Variants in NAV2 observed in about 807,000 individuals in gnomAD.
NAV2 encodes helicase, APC down-regulated 1.
In NAV2, 54 loss-of-function variants were observed where a neutral mutation model predicts 223.2. That is an observed-to-expected ratio of 0.24 (90% confidence interval 0.19 to 0.30). The LOEUF (loss-of-function observed/expected upper bound fraction) is 0.30. NAV2 is among the 10% of genes least tolerant of loss of function. The pLI is 1.00. For missense variants in NAV2, 2,806 were observed against 3,147.5 expected (o/e 0.89, Z 2.60); for synonymous variants, 1,279 against 1,239.3 (o/e 1.03, Z -0.67).
chr11:19,397,800 T>G (rs1238620500), intron 1 of NAV2, among the ~76,000 whole-genome samples: 2 of 152,020 alleles, frequency 1.3e-5, no homozygotes, highest in Non-Finnish European at 2.9e-5. Context: ...GGGTCTGAGT[T>G]TTCCCATCTG....
intron 1 of NAV2, among the ~76,000 whole-genome samples, chr11:19,592,606 C>G (rs761208026): frequency 2.0e-5 from 3 of 152,096 alleles, no homozygotes; most frequent in Non-Finnish European, 4.4e-5. Flanking sequence ...ATTCCTAGGT[C>G]TCTCTGGGTA....
chr11:19,670,901 G>A (rs557564760), intron 1 of NAV2, among the ~76,000 whole-genome samples: 4 of 152,320 alleles, frequency 2.6e-5, no homozygotes, highest in African/African-American at 7.2e-5. Context: ...TAGTTCATCC[G>A]GCCCCTTGGA....
intron 25 of NAV2, among the ~76,000 whole-genome samples, chr11:20,081,125 A>C (rs549068555): frequency 1.3e-5 from 2 of 152,304 alleles, no homozygotes; most frequent in African/African-American, 4.8e-5. Flanking sequence ...GGCGAGGTCT[A>C]GTGATACAGA....
chr11:19,668,817 C>T (rs1041450247), intron 1 of NAV2, among the ~76,000 whole-genome samples: 7 of 152,254 alleles, frequency 4.6e-5, no homozygotes, highest in Admixed American at 1.3e-4. Context: ...GCCCCAGGAT[C>T]CCTGGCTCTC....
At chr11:19,552,979 T>C (rs2134672774) in intron 1 of NAV2, among the ~76,000 whole-genome samples, 1 of 152,324 alleles carries the variant, frequency 6.6e-6, no homozygotes, top group African/African-American at 2.4e-5. Context: ...GAAATTCTTT[T>C]TCTTGTCCTC....
chr11:20,076,519 G>A (rs1188312957), intron 22 of NAV2, among the ~76,000 whole-genome samples: 1 of 152,180 alleles, frequency 6.6e-6, no homozygotes, highest in Non-Finnish European at 1.5e-5. Context: ...CTGCCTAATG[G>A]CTTCTTCAGT....
chr11:19,726,898 C>T (rs538130864), intron 1 of NAV2, among the ~76,000 whole-genome samples: 1 of 152,254 alleles, frequency 6.6e-6, no homozygotes, highest in East Asian at 1.9e-4. Context: ...TAAGAGAAAC[C>T]CCATCCCACA....
At chr11:19,382,047 T>C (rs1848857101) in intron 1 of NAV2, among the ~76,000 whole-genome samples, 1 of 152,160 alleles carries the variant, frequency 6.6e-6, no homozygotes, top group Admixed American at 6.5e-5. Context: ...GTGGGAATGC[T>C]GCTGGAAAGA....
At position 20,105,706 on chromosome 11, in the gene NAV2, A is replaced by G. The variant is rs1288027517; in HGVS notation, c.6820A>G (p.Ser2274Gly). 6.2e-6 allele frequency: 10 copies of G among 1,612,738 alleles called. No homozygotes were observed. The highest frequency in any genetic ancestry group is 1.7e-5 in the Admixed American group (1 of 60,006). ...HHLNRFLEAH[S>G]SSDVTIGPRL... ...CCTCAACCGCTTCCTGGAGGCTCAC[A>G]GTTCCTCGGACGTCACCATCGGTGG... The change falls in exon 35 of 38, where the codon AGT (serine) becomes GGT (glycine). Residue 2274 changes from serine to glycine, a missense_variant. Transcript: ENST00000349880.
intron 1 of NAV2, among the ~76,000 whole-genome samples, chr11:19,774,099 CT>C (rs2055937233): frequency 6.6e-6 from 1 of 152,232 alleles, no homozygotes. Flanking sequence ...TGCTTCTCTC[CT>C]CTTGTCAAAC....
intron 1 of NAV2, among the ~76,000 whole-genome samples, chr11:19,534,114 T>G (rs10500851): frequency 0.074 from 11,317 of 152,248 alleles, 1,432 homozygotes; most frequent in African/African-American, 0.26. Flanking sequence ...GTCTCCATTT[T>G]TACAGCCCCA....
At chr11:19,829,128 C>G (rs945906056) in intron 1 of NAV2, among the ~76,000 whole-genome samples, 1 of 152,206 alleles carries the variant, frequency 6.6e-6, no homozygotes, top group African/African-American at 2.4e-5. Context: ...AGCATCTCAT[C>G]CCACTCAGCT....
In NAV2 at chr11:20,049,119, C is replaced by A; in HGVS notation, c.4294C>A (p.Leu1432Ile). 6.2e-7 allele frequency: 1 copy of A among 1,614,094 alleles called. No individual in the cohort carries two copies. Among genetic ancestry groups the A allele is most frequent in the Non-Finnish European group, 8.5e-7 (1 of 1,180,016 alleles). ...CCCCAGCCACAATTCTTCCACTGGC[C>A]TCATCGCCTCCTCCAAGGACGACTC... is the stretch of plus-strand genomic sequence containing the variant. The part of the protein sequence containing the change: ...GVPSHNSSTG[L>I]IASSKDDSLT... The change falls in exon 15 of 38, where the codon CTC becomes ATC. Residue 1432 changes from leucine to isoleucine, a missense_variant. Leu to Ile is a conservative substitution (Grantham distance 5). Coordinates refer to ENST00000349880, the MANE Select transcript of NAV2 (RefSeq NM_145117.5).
intron 1 of NAV2, among the ~76,000 whole-genome samples, chr11:19,498,189 C>T (rs974593836): frequency 6.6e-6 from 1 of 152,146 alleles, no homozygotes; most frequent in African/African-American, 2.4e-5. Flanking sequence ...GTGGCTCCTC[C>T]AGAGAAGAGG....
intron 1 of NAV2, among the ~76,000 whole-genome samples, chr11:19,773,893 C>T (rs2055915974): frequency 6.6e-6 from 1 of 152,204 alleles, no homozygotes; most frequent in Non-Finnish European, 1.5e-5. Context: ...TATCTTCTTG[C>T]TGTTACTAGG....
intron 3 of NAV2, among the ~76,000 whole-genome samples, chr11:19,854,601 C>A (rs545768541): frequency 6.6e-6 from 1 of 152,192 alleles, no homozygotes; most frequent in East Asian, 1.9e-4. Flanking sequence ...CCGTTTTACT[C>A]ATTTGTTACC....
chr11:19,613,049 G>A (rs2046687848), intron 1 of NAV2, among the ~76,000 whole-genome samples: 1 of 152,194 alleles, frequency 6.6e-6, no homozygotes, highest in Admixed American at 6.5e-5. Flanking sequence ...TGAGGAAGAA[G>A]CAAAAGCAGA....
intron 1 of NAV2, among the ~76,000 whole-genome samples, chr11:19,813,542 A>G (rs189797422): frequency 7.2e-5 from 11 of 152,248 alleles, no homozygotes; most frequent in African/African-American, 2.6e-4. Flanking sequence ...AGATGGAAGA[A>G]TTGCAGCAGT....
chr11:19,665,133 G>C (rs2048376078), intron 1 of NAV2, among the ~76,000 whole-genome samples: 1 of 152,194 alleles, frequency 6.6e-6, no homozygotes, highest in Non-Finnish European at 1.5e-5. Context: ...TGGGCAGAGA[G>C]GGAGCCATTG....
Sources: allele counts gnomAD v4.1 joint callset (sites outside exome capture counted in the v4.1 genomes callset), GRCh38; gene constraint gnomAD v4.1.1; transcripts MANE v1.5; gene names NCBI Gene and HGNC (gene_info 2026-07-23, HGNC 2026-07-21).